Variants in TLN2 observed in about 807,000 individuals in gnomAD.
TLN2 encodes the protein talin 2.
Under a neutral mutation model 294.7 loss-of-function variants are expected in TLN2, and 118 were observed. That is an observed-to-expected ratio of 0.40 (90% CI 0.34 to 0.47). The LOEUF (loss-of-function observed/expected upper bound fraction) is 0.47. Among genes scored for constraint, TLN2 ranks in the 20% least tolerant of loss-of-function variants. The pLI, the probability that TLN2 is intolerant of heterozygous loss-of-function variation, is 0.84. For missense variants in TLN2, 3,083 were observed against 3,282.2 expected (o/e 0.94, Z 1.48); for synonymous variants, 1,431 against 1,304.5 (o/e 1.10, Z -2.09).
At chr15:62,586,047 G>A (rs562702262) in intron 1 of TLN2, among the ~76,000 whole-genome samples, 9 of 152,304 alleles carry the variant, frequency 5.9e-5, no homozygotes, top group East Asian at 3.9e-4. Flanking sequence ...ATACCAAGCC[G>A]GATGACTAGT....
intron 1 of TLN2, among the ~76,000 whole-genome samples, chr15:62,464,074 G>A (rs959544325): frequency 5.9e-5 from 9 of 152,082 alleles, no homozygotes; most frequent in African/African-American, 1.9e-4. Flanking sequence ...CCCATCACTG[G>A]GTATATGCAA....
chr15:62,713,217 G>A (rs1328581209), intron 22 of TLN2, among the ~76,000 whole-genome samples: 1 of 137,838 alleles, frequency 7.3e-6, no homozygotes, highest in African/African-American at 2.7e-5. Context: ...GTTGCAGTGA[G>A]CCAAGATCGT....
intron 1 of TLN2, among the ~76,000 whole-genome samples, chr15:62,487,562 G>A (rs1349423535): frequency 6.6e-6 from 1 of 152,144 alleles, no homozygotes; most frequent in Non-Finnish European, 1.5e-5. Flanking sequence ...GCTGGGTGCG[G>A]TGGCTCATGC....
chr15:62,669,699 A>T (rs2140994730), intron 9 of TLN2, among the ~76,000 whole-genome samples: 1 of 152,258 alleles, frequency 6.6e-6, no homozygotes, highest in Admixed American at 6.5e-5. Context: ...TACATGTCCC[A>T]GATGTTAGGA....
At chr15:62,824,183 G>T (rs949048396) in intron 54 of TLN2, 1 of 323,760 alleles carries the variant, frequency 3.1e-6, no homozygotes, top group African/African-American at 2.2e-5. Flanking sequence ...ACCTGTATCA[G>T]TATTACTGGA....
intron 1 of TLN2, among the ~76,000 whole-genome samples, chr15:62,472,975 CA>C (rs1303404082): frequency 1.3e-5 from 2 of 152,168 alleles, no homozygotes; most frequent in African/African-American, 2.4e-5. Flanking sequence ...TCTTAGCTGT[CA>C]AAGGTGCCTT....
At chr15:62,761,578 T>C in intron 37 of TLN2, 103 bp from the exon 38 acceptor site, 9 of 1,503,330 alleles carry the variant, frequency 6.0e-6, no homozygotes, top group Non-Finnish European at 8.2e-6. Flanking sequence ...AGATTTTCAG[T>C]GTTCCGGTTG....
At chr15:62,536,685 C>T (rs1396951444) in intron 1 of TLN2, among the ~76,000 whole-genome samples, 1 of 152,082 alleles carries the variant, frequency 6.6e-6, no homozygotes, top group Non-Finnish European at 1.5e-5. Flanking sequence ...AGATGGATGC[C>T]CTCTCCTTGG....
intron 1 of TLN2, among the ~76,000 whole-genome samples, chr15:62,572,110 G>T (rs936977280): frequency 6.6e-6 from 1 of 152,120 alleles, no homozygotes; most frequent in African/African-American, 2.4e-5. Context: ...TTCTTTCCAG[G>T]TTCTCTAGCT....
intron 1 of TLN2, among the ~76,000 whole-genome samples, chr15:62,484,181 G>A (rs1048354514): frequency 6.6e-6 from 1 of 152,172 alleles, no homozygotes; most frequent in African/African-American, 2.4e-5. Context: ...TGGCTGCTGG[G>A]GGTAGTTTAC....
intron 14 of TLN2, 140 bp downstream of exon 14, chr15:62,694,532 C>T (rs1487794350): frequency 1.8e-5 from 12 of 666,112 alleles, no homozygotes; most frequent in Non-Finnish European, 2.8e-5. Flanking sequence ...CTTCTTCAAG[C>T]GTGGTCCCCA....
intron 1 of TLN2, among the ~76,000 whole-genome samples, chr15:62,527,140 G>T (rs1214798482): frequency 6.6e-6 from 1 of 152,180 alleles, no homozygotes; most frequent in Admixed American, 6.5e-5. Flanking sequence ...GATTGTAGGT[G>T]AGGAGTGCAT....
intron 1 of TLN2, among the ~76,000 whole-genome samples, chr15:62,469,572 A>G (rs952213775): frequency 1.3e-5 from 2 of 152,226 alleles, no homozygotes; most frequent in African/African-American, 4.8e-5. Context: ...TGGATGGAGC[A>G]ATGTGACTGA....
chr15:62,820,777 T>TA (rs2067497049), intron 54 of TLN2, among the ~76,000 whole-genome samples, 167 bp downstream of exon 54: 2 of 151,834 alleles, frequency 1.3e-5, no homozygotes, highest in South Asian at 2.1e-4. Flanking sequence ...AGTATGGGGG[T>TA]AAAAAAATGG....
chr15:62,434,032 C>T (rs2035162867), intron 1 of TLN2, among the ~76,000 whole-genome samples: 1 of 150,070 alleles, frequency 6.7e-6, no homozygotes, highest in African/African-American at 2.5e-5. Flanking sequence ...AATTTAGGCT[C>T]ATCTGTCCTC....
chr15:62,439,842 A>T (rs551245701), intron 1 of TLN2, among the ~76,000 whole-genome samples: 1 of 152,320 alleles, frequency 6.6e-6, no homozygotes, highest in South Asian at 2.1e-4. Flanking sequence ...TTTGGCTTGC[A>T]GTCAGAGGCC....
intron 23 of TLN2, among the ~76,000 whole-genome samples, chr15:62,716,775 T>C (rs1279178225): frequency 6.6e-6 from 1 of 152,138 alleles, no homozygotes; most frequent in Non-Finnish European, 1.5e-5. Flanking sequence ...TTTGTTGGAG[T>C]CAGTGACTTT....
rs530078867 is a variant in TLN2, at chr15:62,658,782, G to A, written c.788+884G>A. Among the ~76,000 whole-genome samples, 4 of 152,318 alleles carry A rather than the reference G, an allele frequency of 2.6e-5. No individual in the cohort carries two copies. The South Asian group carries it at 8.3e-4, about 32-fold the overall frequency. The stretch of plus-strand genomic sequence containing the variant: ...TCTTCCGCCACCTATCGAAGGCCAT[G>A]TGCACAAGTTCCTTTAGCAGTTTCC... On this transcript the variant is annotated intron_variant, in intron 9 of 58. Transcript: ENST00000636159.
intron 1 of TLN2, among the ~76,000 whole-genome samples, chr15:62,393,577 C>T (rs887867270): frequency 3.9e-5 from 6 of 152,164 alleles, no homozygotes; most frequent in African/African-American, 1.4e-4. Flanking sequence ...AGGACGATTA[C>T]AGGTGGTGAA....
Sources: allele counts gnomAD v4.1 joint callset (sites outside exome capture counted in the v4.1 genomes callset), GRCh38; gene constraint gnomAD v4.1.1; transcripts MANE v1.5; gene names NCBI Gene and HGNC (gene_info 2026-07-23, HGNC 2026-07-21).